CDH22: variants seen among roughly 807,000 people sequenced by gnomAD.
The protein encoded by CDH22 is cadherin-22.
CDH22 carries 30 observed loss-of-function variants against 58.4 expected under a neutral mutation model. That is an observed-to-expected ratio of 0.51 (90% CI 0.38 to 0.70). The LOEUF is 0.70. Among genes scored for constraint, CDH22 ranks in the 30% least tolerant of loss-of-function variants. CDH22 has a pLI of 0.00. For missense variants in CDH22, 1,014 were observed against 1,233.9 expected (o/e 0.82, Z 2.67); for synonymous variants, 513 against 558.2 (o/e 0.92, Z 1.14).
At chr20:46,229,073 G>C (rs2086200906) in intron 3 of CDH22, among the ~76,000 whole-genome samples, 1 of 152,148 alleles carries the variant, frequency 6.6e-6, no homozygotes, top group South Asian at 2.1e-4. Flanking sequence ...TGTCAACCAT[G>C]TCAGAGTTGA....
At chr20:46,196,469 T>TC (rs1698065728) in intron 8 of CDH22, among the ~76,000 whole-genome samples, 1 of 152,210 alleles carries the variant, frequency 6.6e-6, no homozygotes, top group Non-Finnish European at 1.5e-5. Context: ...ACATGGGGTT[T>TC]CGCCATGTTG....
intron 4 of CDH22, among the ~76,000 whole-genome samples, chr20:46,223,266 C>T (rs541979681): frequency 6.6e-6 from 1 of 152,302 alleles, no homozygotes; most frequent in South Asian, 2.1e-4. Flanking sequence ...ACTGGCTGTC[C>T]TTCCCACTCT....
At chr20:46,256,758 T>G (rs2086408522) in intron 1 of CDH22, among the ~76,000 whole-genome samples, 1 of 152,152 alleles carries the variant, frequency 6.6e-6, no homozygotes, top group South Asian at 2.1e-4. Flanking sequence ...CTCAGCAGTT[T>G]GGGAGGCTGA....
intron 1 of CDH22, among the ~76,000 whole-genome samples, chr20:46,281,403 G>T (rs2086550231): frequency 6.6e-6 from 1 of 152,202 alleles, no homozygotes; most frequent in African/African-American, 2.4e-5. Context: ...TTTTCTTGGA[G>T]ATTGAAAGGA....
intron 1 of CDH22, among the ~76,000 whole-genome samples, chr20:46,287,177 C>T (rs2086580334): frequency 6.6e-6 from 1 of 152,122 alleles, no homozygotes; most frequent in Non-Finnish European, 1.5e-5. Context: ...TCTTCTGGGC[C>T]TCAGTTTCCT....
intron 3 of CDH22, among the ~76,000 whole-genome samples, chr20:46,235,181 A>G (rs1378227427): frequency 6.6e-6 from 1 of 152,254 alleles, no homozygotes; most frequent in Non-Finnish European, 1.5e-5. Flanking sequence ...TTCTGTCTTC[A>G]GTAACTTCAA....
intron 10 of CDH22, among the ~76,000 whole-genome samples, chr20:46,186,000 C>T (rs905963794): frequency 6.6e-6 from 1 of 151,924 alleles, no homozygotes. Context: ...ATAGCTTGAG[C>T]CTGGGAGTTC....
chr20:46,232,324 C>G (rs1223057356), intron 3 of CDH22, among the ~76,000 whole-genome samples: 1 of 152,126 alleles, frequency 6.6e-6, no homozygotes, highest in Non-Finnish European at 1.5e-5. Context: ...CTCATTCCAG[C>G]CCTGTCCTTG....
At chr20:46,237,060 C>T (rs2086258583) in intron 3 of CDH22, among the ~76,000 whole-genome samples, 1 of 152,316 alleles carries the variant, frequency 6.6e-6, no homozygotes, top group East Asian at 1.9e-4. Flanking sequence ...ACTCTCCCTG[C>T]TATAGTATGT....
At chr20:46,245,973 C>T (rs1047127351) in intron 2 of CDH22, among the ~76,000 whole-genome samples, 1 of 152,212 alleles carries the variant, frequency 6.6e-6, no homozygotes. Context: ...TCTACCACAT[C>T]AAGTGTGGCC....
intron 7 of CDH22, chr20:46,209,697 C>T (rs925111790): frequency 1.3e-5 from 2 of 152,140 alleles, no homozygotes; most frequent in African/African-American, 2.4e-5. Context: ...CAGCAGAATT[C>T]GCTAATGGAT....
chr20:46,177,174 C>G (rs984475057), intron 11 of CDH22, among the ~76,000 whole-genome samples: 1 of 152,162 alleles, frequency 6.6e-6, no homozygotes, highest in Non-Finnish European at 1.5e-5. Flanking sequence ...GGGGAGGCAG[C>G]TGACATCTCC....
chr20:46,264,935 A>C (rs1413444009), intron 1 of CDH22, among the ~76,000 whole-genome samples: 1 of 152,088 alleles, frequency 6.6e-6, no homozygotes, highest in African/African-American at 2.4e-5. Context: ...GTACACATGC[A>C]GACTCCTTGG....
At position 46,216,778 on chromosome 20, in the gene CDH22, AACAG is replaced by A. The variant is rs549263828; in HGVS notation, c.838+44_838+47del. 1.8e-4 allele frequency: 286 copies of A among 1,557,164 alleles called. 1 individual carries two copies. In the East Asian group the frequency reaches 5.7e-3, roughly 31 times the overall value. On this transcript the variant is annotated intron_variant, in intron 5 of 11. Transcript: ENST00000537909. This position sits in a 1 kb window ranked among gnomAD's most constrained non-coding sequence, Gnocchi z 5.3. The stretch of plus-strand genomic sequence containing the variant: ...GGTCAGCAGGTGGCTTGGATGGGGT[AACAG>A]ACAGACACACAGACGCGCCTTCCTC...
At position 46,174,851 on chromosome 20, in the gene CDH22, C is replaced by G. The variant is rs1394099010; in HGVS notation, c.2142G>C (p.Ser714=). ...GSAGGGAGGG[S]GGGAGSPPQA... is the part of the protein sequence containing the mutation. The stretch of plus-strand genomic sequence containing the variant: ...GCGGGGGGCTGCCCGCGCCCCCGCC[C>G]GAGCCCCCGCCCGCTCCCCCGCCCG... The change falls in exon 12 of 12, where the codon TCG becomes TCC. Residue 714 remains serine (S), a synonymous_variant. Transcript: ENST00000537909. The surrounding 1 kb of genome is among the most constrained non-coding windows in gnomAD (Gnocchi z 4.4). 5.7e-6 allele frequency: 7 copies of G among 1,217,740 alleles called. No individual in the cohort carries two copies. The highest frequency in any genetic ancestry group is 7.4e-6 in the Non-Finnish European group (7 of 946,442). The allele number at this position is 1,217,740 out of a possible 1,614,324, so 75.4% of individuals were successfully genotyped here. A position where few individuals can be genotyped will look rare whatever the true frequency, so the allele number is the denominator to read the frequency against.
chr20:46,187,445 A>G (rs547327527), intron 8 of CDH22, among the ~76,000 whole-genome samples: 1 of 151,220 alleles, frequency 6.6e-6, no homozygotes, highest in South Asian at 2.1e-4. Flanking sequence ...CACCATCACC[A>G]TCAGGTCATC....
intron 8 of CDH22, among the ~76,000 whole-genome samples, chr20:46,190,927 A>C (rs1191822315): frequency 6.6e-6 from 1 of 152,128 alleles, no homozygotes; most frequent in East Asian, 1.9e-4. Flanking sequence ...TCTCACCTTC[A>C]CTGGGCCTCA....
At chr20:46,299,853 G>T (rs905026212) in intron 1 of CDH22, among the ~76,000 whole-genome samples, 1 of 152,212 alleles carries the variant, frequency 6.6e-6, no homozygotes, top group Non-Finnish European at 1.5e-5. Flanking sequence ...CTCCTAGGCA[G>T]TTCTCTCAAC....
intron 1 of CDH22, among the ~76,000 whole-genome samples, chr20:46,255,463 G>A (rs2086401749): frequency 6.6e-6 from 1 of 152,248 alleles, no homozygotes; most frequent in Non-Finnish European, 1.5e-5. Context: ...CTAGGTGAAT[G>A]CAACCCAGTG....
Sources: gnomAD v4.1 joint callset for allele counts (sites outside exome capture counted in the v4.1 genomes callset) on GRCh38, gnomAD v4.1.1 for gene constraint, Gnocchi (gnomAD v3.1) non-coding constraint, MANE v1.5 for transcripts, NCBI Gene and HGNC (gene_info 2026-07-23, HGNC 2026-07-21) for gene names.